Variants in LRRC4C observed in about 807,000 individuals in gnomAD.
LRRC4C encodes the protein leucine rich repeat containing 4C.
LRRC4C carries 5 observed loss-of-function variants against 33.6 expected under a neutral mutation model. That is an observed-to-expected ratio of 0.15 (90% CI 0.08 to 0.31). The LOEUF is 0.31. Ranked by LOEUF, LRRC4C falls within the 10% of genes least tolerant of loss-of-function variation. The pLI is 1.00. For missense variants in LRRC4C, 560 were observed against 796.7 expected (o/e 0.70, Z 3.58); for synonymous variants, 329 against 302.0 (o/e 1.09, Z -0.93).
intron 2 of LRRC4C, among the ~76,000 whole-genome samples, chr11:40,659,379 G>T (rs995328736): frequency 3.9e-5 from 6 of 152,144 alleles, no homozygotes; most frequent in Admixed American, 1.3e-4. Flanking sequence ...AGAAAGGAGG[G>T]GGTCCCTGGT....
chr11:40,922,107 G>A (rs1957209408), intron 2 of LRRC4C, among the ~76,000 whole-genome samples: 1 of 152,088 alleles, frequency 6.6e-6, no homozygotes, highest in Admixed American at 6.6e-5. Flanking sequence ...AGGGGGAAAA[G>A]GTAGATATGT....
At chr11:41,028,172 A>T (rs1590284946) in intron 1 of LRRC4C, among the ~76,000 whole-genome samples, 1 of 151,150 alleles carries the variant, frequency 6.6e-6, no homozygotes, top group Admixed American at 6.6e-5. Context: ...ATTTTTTTTT[A>T]AAGCTATATT....
intron 3 of LRRC4C, among the ~76,000 whole-genome samples, chr11:40,499,251 A>C (rs1271477405): frequency 6.6e-6 from 1 of 152,162 alleles, no homozygotes; most frequent in Non-Finnish European, 1.5e-5. Flanking sequence ...CCAAAGAAAT[A>C]ACCTGTCAAG....
chr11:40,153,520 A>T (rs1222962573), intron 5 of LRRC4C, among the ~76,000 whole-genome samples: 1 of 152,152 alleles, frequency 6.6e-6, no homozygotes, highest in Non-Finnish European at 1.5e-5. Flanking sequence ...GTGAAGCCCA[A>T]TGCAAGGAAA....
intron 3 of LRRC4C, among the ~76,000 whole-genome samples, chr11:40,528,430 T>C (rs1956144048): frequency 4.0e-5 from 6 of 151,774 alleles, no homozygotes; most frequent in Admixed American, 3.3e-4. Flanking sequence ...AAAATGAAAG[T>C]AAAAGCTGCA....
At chr11:40,487,897 T>C (rs1349903617) in intron 3 of LRRC4C, among the ~76,000 whole-genome samples, 3 of 152,120 alleles carry the variant, frequency 2.0e-5, no homozygotes, top group East Asian at 1.9e-4. Flanking sequence ...CTTCTCTTAG[T>C]GCTTTGCATT....
At chr11:40,480,493 G>A (rs1256477463) in intron 3 of LRRC4C, among the ~76,000 whole-genome samples, 2 of 152,008 alleles carry the variant, frequency 1.3e-5, no homozygotes, top group South Asian at 2.1e-4. Context: ...GTAGAGGAGG[G>A]TGGGGATCAA....
rs542882850 is a variant in LRRC4C at position 41,450,756 on chromosome 11, A to G, written c.-496+8675T>C. Among the ~76,000 whole-genome samples, 12 of 152,260 alleles carry G rather than the reference A, an allele frequency of 7.9e-5. 1 individual carries two copies. Among genetic ancestry groups the G allele is most frequent in the Admixed American group, 3.3e-4 (5 of 15,268 alleles). Reference sequence around the variant, plus strand: ...CTACGGGGCTCCAACCTATATCTTCATTCCTTCCTACCAAATACTTTTTGA... The same window carrying G: ...CTACGGGGCTCCAACCTATATCTTCGTTCCTTCCTACCAAATACTTTTTGA... On this transcript the variant is annotated intron_variant, in intron 1 of 6. Transcript: ENST00000528697.
chr11:40,806,706 T>G (rs942800901), intron 2 of LRRC4C, among the ~76,000 whole-genome samples: 4 of 152,218 alleles, frequency 2.6e-5, no homozygotes, highest in Non-Finnish European at 5.9e-5. Context: ...CACATATCTG[T>G]GTGTATTTTG....
chr11:41,396,148 C>T (rs374761650), intron 1 of LRRC4C, among the ~76,000 whole-genome samples: 49 of 152,086 alleles, frequency 3.2e-4, no homozygotes, highest in African/African-American at 1.1e-3. Context: ...ATTGGACCCC[C>T]CGTTGCAGAT....
intron 5 of LRRC4C, among the ~76,000 whole-genome samples, chr11:40,161,325 G>A (rs1193392830): frequency 6.6e-6 from 1 of 152,110 alleles, no homozygotes; most frequent in Non-Finnish European, 1.5e-5. Flanking sequence ...GTTTACTTGA[G>A]ACTAGGCCTC....
intron 1 of LRRC4C, among the ~76,000 whole-genome samples, chr11:41,317,324 A>G (rs528573836): frequency 6.6e-6 from 1 of 152,224 alleles, no homozygotes; most frequent in Non-Finnish European, 1.5e-5. Context: ...AAATGAGATT[A>G]TGCATTTTAA....
chr11:40,591,230 G>A lies in LRRC4C; in HGVS notation c.-270+56912C>T, dbSNP rs192665891. Among the ~76,000 whole-genome samples the A allele has an allele frequency of 1.3e-3, 191 of 152,194 alleles. 2 individuals carry two copies. The highest frequency in any genetic ancestry group is 1.4e-3 in the Non-Finnish European group (98 of 68,012). On this transcript the variant is annotated intron_variant, in intron 3 of 6. Coordinates refer to ENST00000528697, the MANE Select transcript of LRRC4C (RefSeq NM_001258419.2). The stretch of plus-strand genomic sequence containing the variant: ...AAAAGCGCAGTATTCGGGTGGGAGC[G>A]ACCCGATTTTCCAGGTGCCATCCGT...
chr11:40,627,032 T>C (rs1962994188), intron 3 of LRRC4C, among the ~76,000 whole-genome samples: 1 of 151,250 alleles, frequency 6.6e-6, no homozygotes, highest in Non-Finnish European at 1.5e-5. Context: ...CTCCCCTCCA[T>C]ATAATTCAGG....
intron 1 of LRRC4C, among the ~76,000 whole-genome samples, chr11:41,184,059 A>G (rs1202430722): frequency 6.6e-6 from 1 of 152,200 alleles, no homozygotes; most frequent in Non-Finnish European, 1.5e-5. Flanking sequence ...GGCTGCACAC[A>G]GCACAGGGAC....
intron 1 of LRRC4C, among the ~76,000 whole-genome samples, chr11:41,176,562 C>G (rs1182677444): frequency 6.6e-6 from 1 of 152,096 alleles, no homozygotes; most frequent in African/African-American, 2.4e-5. Flanking sequence ...GGCCAAATCC[C>G]TGCTCTTATA....
chr11:40,683,119 A>AT (rs1944782392), intron 2 of LRRC4C, among the ~76,000 whole-genome samples: 1 of 152,186 alleles, frequency 6.6e-6, no homozygotes, highest in African/African-American at 2.4e-5. Flanking sequence ...TCTTCTCCAC[A>AT]TTTTTTTGTC....
intron 3 of LRRC4C, among the ~76,000 whole-genome samples, chr11:40,372,495 A>T (rs1408527112): frequency 6.6e-6 from 1 of 152,226 alleles, no homozygotes; most frequent in Non-Finnish European, 1.5e-5. Context: ...CAGATAATCC[A>T]GGATAATCTC....
chr11:41,253,464 A>G (rs968850366), intron 1 of LRRC4C, among the ~76,000 whole-genome samples: 1 of 152,102 alleles, frequency 6.6e-6, no homozygotes, highest in Admixed American at 6.6e-5. Flanking sequence ...ACAATATTAC[A>G]GGGTTATCAT....
Sources: allele counts gnomAD v4.1 joint callset (sites outside exome capture counted in the v4.1 genomes callset), GRCh38; gene constraint gnomAD v4.1.1; transcripts MANE v1.5; gene names NCBI Gene and HGNC (gene_info 2026-07-23, HGNC 2026-07-21).